KSR2: variants seen among roughly 807,000 people sequenced by gnomAD.
The protein encoded by KSR2 is kinase suppressor of ras 2.
A neutral mutation model predicts 107.8 loss-of-function variants in KSR2; 25 were observed. The ratio of observed to expected loss-of-function variants is 0.23; its 90% CI spans 0.17 to 0.32. The LOEUF (loss-of-function observed/expected upper bound fraction) is 0.32. Among genes scored for constraint, KSR2 ranks in the 10% least tolerant of loss-of-function variants. The pLI, the probability that KSR2 is intolerant of heterozygous loss-of-function variation, is 1.00. For missense variants in KSR2, 887 were observed against 1,268.9 expected (o/e 0.70, Z 4.57); for synonymous variants, 480 against 507.0 (o/e 0.95, Z 0.71).
At position 117,802,573 on chromosome 12, in the gene KSR2, C is replaced by T. The variant is rs548719342; in HGVS notation, c.473-41049G>A. Among the ~76,000 whole-genome samples the T allele has an allele frequency of 2.1e-3, 325 of 152,206 alleles. 3 individuals are homozygous for T. The highest frequency in any genetic ancestry group is 7.7e-3 in the African/African-American group (319 of 41,508). ...CAACTTTCTCATCTGTAAAATGGGG[C>T]TAATAATAATAGCACTGATATCTGG... On this transcript the variant is annotated intron_variant, in intron 3 of 19. Coordinates refer to ENST00000339824, the MANE Select transcript of KSR2 (RefSeq NM_173598.6).
At chr12:117,848,223 A>G (rs753181155) in intron 3 of KSR2, among the ~76,000 whole-genome samples, 2 of 152,252 alleles carry the variant, frequency 1.3e-5, no homozygotes, top group Non-Finnish European at 2.9e-5. Context: ...GAAGAAGGCC[A>G]CAGCAACAGC....
At chr12:117,947,510 C>A (rs1261873895) in intron 1 of KSR2, among the ~76,000 whole-genome samples, 3 of 152,070 alleles carry the variant, frequency 2.0e-5, no homozygotes, top group Non-Finnish European at 4.4e-5. Context: ...TATATACTCC[C>A]ACTATTCCCA....
At position 117,525,073 on chromosome 12, in the gene KSR2, C is replaced by G; in HGVS notation, c.1998G>C (p.Leu666=). 6.2e-7 allele frequency: 1 copy of G among 1,614,020 alleles called. No individual in the cohort carries two copies. Among genetic ancestry groups the G allele is most frequent in the Non-Finnish European group, 8.5e-7 (1 of 1,179,890 alleles). The change falls in exon 14 of 20, where the codon CTG becomes CTC. Residue 666 remains leucine, a synonymous_variant. Coordinates refer to ENST00000339824, the MANE Select transcript of KSR2 (RefSeq NM_173598.6). ...LQEWDIPFEQ[L]EIGELIGKGR... ...CCTTTCCAATGAGCTCGCCGATCTC[C>G]AGCTGCTCAAAGGGGATGTCCCACT...
chr12:117,920,003 A>G (rs1287832253), intron 1 of KSR2, among the ~76,000 whole-genome samples: 1 of 152,274 alleles, frequency 6.6e-6, no homozygotes, highest in East Asian at 1.9e-4. Flanking sequence ...AATTATAAAC[A>G]TATATGTACC....
chr12:117,808,730 T>C (rs1261138508), intron 3 of KSR2, among the ~76,000 whole-genome samples: 3 of 151,978 alleles, frequency 2.0e-5, no homozygotes, highest in Non-Finnish European at 4.4e-5. Context: ...CCCTGGTGAA[T>C]TCGTTGCCAT....
intron 9 of KSR2, among the ~76,000 whole-genome samples, chr12:117,541,700 G>A (rs1016965038): frequency 3.3e-5 from 5 of 151,894 alleles, no homozygotes; most frequent in South Asian, 2.1e-4. Flanking sequence ...TAGGTGTGGC[G>A]AACACCCAAT....
At chr12:117,774,076 G>T (rs1326157379) in intron 3 of KSR2, among the ~76,000 whole-genome samples, 1 of 152,096 alleles carries the variant, frequency 6.6e-6, no homozygotes, top group Non-Finnish European at 1.5e-5. Context: ...ACCATTGGAG[G>T]GTTCTCTGGA....
intron 10 of KSR2, among the ~76,000 whole-genome samples, chr12:117,536,174 G>A (rs183254359): frequency 3.9e-5 from 6 of 152,322 alleles, no homozygotes; most frequent in African/African-American, 1.2e-4. Flanking sequence ...AGATGAATCA[G>A]TGCTGGGGAC....
chr12:117,696,881 G>A (rs1042271437), intron 4 of KSR2, among the ~76,000 whole-genome samples: 5 of 152,096 alleles, frequency 3.3e-5, no homozygotes, highest in African/African-American at 1.2e-4. Flanking sequence ...TCCCTGGGTC[G>A]CTGGGAGGGT....
At position 117,814,504 on chromosome 12, in the gene KSR2, C is replaced by T. The variant is rs1228623549; in HGVS notation, c.472+40924G>A. Among the ~76,000 whole-genome samples, 4 of 152,132 alleles carry T rather than the reference C, an allele frequency of 2.6e-5. No homozygotes were observed. The East Asian group carries it at 7.7e-4, about 29-fold the overall frequency. ...GGCTCTGCCACTTTCACTGTGACAA[C>T]CCCTCCCAAACACCAAGACCCCTGA... On this transcript the variant is annotated intron_variant, in intron 3 of 19. Coordinates refer to ENST00000339824, the MANE Select transcript of KSR2 (RefSeq NM_173598.6).
intron 4 of KSR2, among the ~76,000 whole-genome samples, chr12:117,700,857 A>G (rs892620463): frequency 1.3e-5 from 2 of 152,212 alleles, no homozygotes; most frequent in Non-Finnish European, 2.9e-5. Context: ...GCTACCATGC[A>G]GGGCAACACC....
intron 5 of KSR2, among the ~76,000 whole-genome samples, chr12:117,635,877 C>T (rs1298453399): frequency 6.6e-6 from 1 of 152,000 alleles, no homozygotes; most frequent in Non-Finnish European, 1.5e-5. Flanking sequence ...CCGCAACCTC[C>T]ACCTCCCAGG....
chr12:117,655,210 G>C (rs1489136746), intron 5 of KSR2, among the ~76,000 whole-genome samples: 1 of 152,186 alleles, frequency 6.6e-6, no homozygotes, highest in Non-Finnish European at 1.5e-5. Flanking sequence ...ACTACCACCT[G>C]TGGACTCACG....
chr12:117,469,734 A>G lies in KSR2; in HGVS notation c.2774T>C (p.Met925Thr). 2.5e-6 allele frequency: 4 copies of G among 1,613,932 alleles called. No homozygotes were observed. Among genetic ancestry groups the G allele is most frequent in the African/African-American group, 1.3e-5 (1 of 75,070 alleles). The change falls in exon 19 of 20, where the codon ATG becomes ACG. Residue 925 changes from methionine (M) to threonine (T), a missense_variant. Physicochemically the swap from Met to Thr is moderately conservative, Grantham distance 81. Transcript: ENST00000339824. ...CTTTGGCAGTTTCTCCAGCATGTCC[A>G]TGAGCTTGGTGAAGGTAGGTCTCTC... ...QEERPTFTKL[M>T]DMLEKLPKRN...
rs547502664 is a variant in KSR2, at chr12:117,629,562, CAAAAAGG to C, written c.1171+37905_1171+37911del. On this transcript the variant is annotated intron_variant, in intron 5 of 19. Coordinates refer to ENST00000339824, the MANE Select transcript of KSR2 (RefSeq NM_173598.6). ...ATTTTGAGTTTCCTCGTGATCACAG[CAAAAAGG>C]AAAACACAGCAGTTATCTGACTCAG... is the stretch of plus-strand genomic sequence containing the variant. Among the ~76,000 whole-genome samples, 194 of 152,232 alleles carry C rather than the reference CAAAAAGG, an allele frequency of 1.3e-3. 1 individual carries two copies. Among genetic ancestry groups the C allele is most frequent in the African/African-American group, 4.5e-3 (185 of 41,542 alleles).
rs564523059 is a variant in KSR2 at position 117,755,414 on chromosome 12, T to C, written c.986+5597A>G. On this transcript the variant is annotated intron_variant, in intron 4 of 19. Coordinates refer to ENST00000339824, the MANE Select transcript of KSR2 (RefSeq NM_173598.6). ...TGGTCATTCTAGCAATATTTCTAAC[T>C]TTTTCATTATTATTATATCTGTTAT... Among the ~76,000 whole-genome samples the C allele has an allele frequency of 6.6e-5, 10 of 152,330 alleles. No homozygotes were observed. The South Asian group carries it at 2.1e-3, about 32-fold the overall frequency.
At chr12:117,702,987 C>T (rs1224114117) in intron 4 of KSR2, among the ~76,000 whole-genome samples, 2 of 152,192 alleles carry the variant, frequency 1.3e-5, no homozygotes, top group African/African-American at 2.4e-5. Flanking sequence ...TGAGGAAGGA[C>T]AGTTTTCCAG....
intron 19 of KSR2, chr12:117,467,825 G>T: frequency 2.9e-6 from 1 of 345,386 alleles, no homozygotes; most frequent in Non-Finnish European, 5.5e-6. Flanking sequence ...GTACACATAG[G>T]CTGAATAAAA....
At chr12:117,651,264 C>A (rs774827250) in intron 5 of KSR2, among the ~76,000 whole-genome samples, 1 of 152,190 alleles carries the variant, frequency 6.6e-6, no homozygotes, top group Admixed American at 6.5e-5. Context: ...AGTTGCCAGG[C>A]AAAATAATGT....
Sources: gnomAD v4.1 joint callset for allele counts (sites outside exome capture counted in the v4.1 genomes callset) on GRCh38, gnomAD v4.1.1 for gene constraint, MANE v1.5 for transcripts, NCBI Gene and HGNC (gene_info 2026-07-23, HGNC 2026-07-21) for gene names.